Variants in LARGE1 observed in about 807,000 individuals in gnomAD.
LARGE1 encodes LARGE xylosyl- and glucuronyltransferase 1.
Under a neutral mutation model 87.6 loss-of-function variants are expected in LARGE1, and 43 were observed. The ratio of observed to expected loss-of-function variants is 0.49; its 90% CI spans 0.38 to 0.63. The LOEUF (loss-of-function observed/expected upper bound fraction) is 0.63, where lower values mean the gene tolerates loss of function less well. LARGE1 is among the 30% of genes least tolerant of loss of function. The pLI is 0.00. For missense variants in LARGE1, 802 were observed against 1,000.2 expected (o/e 0.80, Z 2.67); for synonymous variants, 434 against 394.6 (o/e 1.10, Z -1.18).
the LARGE1 span, among the ~76,000 whole-genome samples, chr22:33,104,215 C>T: frequency 6.6e-6 from 1 of 152,180 alleles, no homozygotes; most frequent in Non-Finnish European, 1.5e-5. Flanking sequence ...CTACATACCA[C>T]TGTGAGCTAA....
At chr22:33,104,953 C>T in the LARGE1 span, among the ~76,000 whole-genome samples, 2 of 126,828 alleles carry the variant, frequency 1.6e-5, no homozygotes, top group African/African-American at 6.0e-5. Context: ...CTTTCTCTTT[C>T]TCTCTTTCTC....
intron 11 of LARGE1, among the ~76,000 whole-genome samples, chr22:33,221,954 C>T (rs1269746095): frequency 6.6e-6 from 1 of 152,198 alleles, no homozygotes; most frequent in South Asian, 2.1e-4. Context: ...GGCTACATAT[C>T]AACTAAACAT....
chr22:33,767,053 C>T (rs1215581863), intron 1 of LARGE1, among the ~76,000 whole-genome samples: 1 of 150,706 alleles, frequency 6.6e-6, no homozygotes, highest in Non-Finnish European at 1.5e-5. Flanking sequence ...GTGGCTCACA[C>T]CTGTAATCTC....
intron 1 of LARGE1, among the ~76,000 whole-genome samples, chr22:33,880,221 C>T (rs1388460971): frequency 2.6e-5 from 4 of 152,326 alleles, no homozygotes; most frequent in Non-Finnish European, 4.4e-5. Context: ...ATCCCACAGC[C>T]TTTTGGACCC....
chr22:33,471,128 A>G (rs948752830), intron 6 of LARGE1, among the ~76,000 whole-genome samples: 1 of 151,654 alleles, frequency 6.6e-6, no homozygotes. Context: ...CCTGGGTTCA[A>G]GCAATTCTCA....
At chr22:33,580,089 G>A (rs555737148) in intron 5 of LARGE1, among the ~76,000 whole-genome samples, 6 of 151,646 alleles carry the variant, frequency 4.0e-5, no homozygotes, top group South Asian at 2.1e-4. Context: ...GACACAAGGC[G>A]GCCGGGCGCA....
intron 2 of LARGE1, among the ~76,000 whole-genome samples, chr22:33,668,689 A>G (rs145767933): frequency 1.1e-3 from 169 of 152,270 alleles, no homozygotes; most frequent in African/African-American, 3.9e-3. Flanking sequence ...TGCCCACTCT[A>G]CATAAGGCAG....
intron 1 of LARGE1, among the ~76,000 whole-genome samples, chr22:33,766,138 T>C (rs918160582): frequency 2.0e-5 from 3 of 152,134 alleles, no homozygotes; most frequent in African/African-American, 4.8e-5. Context: ...GGCTGGAAAT[T>C]ACATCACGAA....
intron 9 of LARGE1, among the ~76,000 whole-genome samples, chr22:33,358,444 C>A (rs2064258988): frequency 1.3e-5 from 2 of 152,084 alleles, no homozygotes; most frequent in Non-Finnish European, 2.9e-5. Flanking sequence ...TATATGGTAG[C>A]CCCTCATCTT....
intron 6 of LARGE1, among the ~76,000 whole-genome samples, chr22:33,462,547 C>T (rs1457003682): frequency 6.6e-6 from 1 of 152,148 alleles, no homozygotes; most frequent in Non-Finnish European, 1.5e-5. Flanking sequence ...CTTAGGGAGG[C>T]CGAGGTGGGT....
chr22:33,797,773 A>T (rs1479101696), intron 1 of LARGE1, among the ~76,000 whole-genome samples: 1 of 152,184 alleles, frequency 6.6e-6, no homozygotes, highest in Non-Finnish European at 1.5e-5. Flanking sequence ...GAGATCTGGG[A>T]TCCTCCCTTA....
At chr22:33,442,425 C>T (rs566537052) in intron 6 of LARGE1, among the ~76,000 whole-genome samples, 31 of 152,304 alleles carry the variant, frequency 2.0e-4, no homozygotes, top group East Asian at 1.9e-3. Flanking sequence ...TGCAGCTACT[C>T]GCAGGCTGAG....
At chr22:33,847,489 C>T (rs948719900) in intron 1 of LARGE1, among the ~76,000 whole-genome samples, 2 of 152,184 alleles carry the variant, frequency 1.3e-5, no homozygotes, top group African/African-American at 4.8e-5. Flanking sequence ...ATAAGATATG[C>T]TTCACATGGT....
the LARGE1 span, among the ~76,000 whole-genome samples, chr22:33,150,222 C>T: frequency 1.3e-5 from 2 of 152,184 alleles, no homozygotes; most frequent in South Asian, 2.1e-4. Context: ...CTTATCACCC[C>T]TTAGTTCCTG....
intron 6 of LARGE1, among the ~76,000 whole-genome samples, chr22:33,551,040 C>T (rs1224522371): frequency 1.3e-5 from 2 of 152,012 alleles, no homozygotes; most frequent in African/African-American, 4.8e-5. Flanking sequence ...ACAATGGAAA[C>T]TCAGAAGGGT....
chr22:33,519,665 T>C (rs1170481933), intron 6 of LARGE1, among the ~76,000 whole-genome samples: 4 of 152,178 alleles, frequency 2.6e-5, no homozygotes, highest in African/African-American at 9.7e-5. Context: ...CATCCTTGAC[T>C]GCTCTTCTTA....
At chr22:33,182,348 CT>C (rs1923216649) in intron 11 of LARGE1, among the ~76,000 whole-genome samples, 1 of 152,030 alleles carries the variant, frequency 6.6e-6, no homozygotes, top group Non-Finnish European at 1.5e-5. Context: ...ACTTTTTGCT[CT>C]TTTACTCTTT....
intron 6 of LARGE1, among the ~76,000 whole-genome samples, chr22:33,435,866 G>A (rs1371300194): frequency 1.3e-5 from 2 of 152,150 alleles, no homozygotes; most frequent in Non-Finnish European, 2.9e-5. Context: ...ATGATAGTTA[G>A]AACTTTAATA....
At chr22:33,281,164 C>A (rs749133461) in intron 13 of LARGE1, among the ~76,000 whole-genome samples, 1 of 152,120 alleles carries the variant, frequency 6.6e-6, no homozygotes, top group Non-Finnish European at 1.5e-5. Flanking sequence ...GCCAGAGCAG[C>A]AATCACGGAC....
Sources: allele counts gnomAD v4.1 joint callset (sites outside exome capture counted in the v4.1 genomes callset), GRCh38; gene constraint gnomAD v4.1.1; transcripts MANE v1.5; gene names NCBI Gene and HGNC (gene_info 2026-07-23, HGNC 2026-07-21).